The following FSIP1 variants were observed in gnomAD, a reference collection of about 807,000 sequenced individuals.
FSIP1 encodes fibrous sheath-interacting protein 1.
Under a neutral mutation model 60.9 loss-of-function variants are expected in FSIP1, and 65 were observed. The ratio of observed to expected loss-of-function variants is 1.07; its 90% confidence interval spans 0.87 to 1.31. FSIP1 has a LOEUF of 1.31. Among genes scored for constraint, FSIP1 ranks in the 40% most tolerant of loss-of-function variants. The pLI is 0.00. For synonymous variants in FSIP1, 209 were observed against 221.2 expected, an observed-to-expected ratio of 0.94 and a Z score of 0.49; for missense variants, 675 against 665.5, an observed-to-expected ratio of 1.01 and a Z score of -0.16.
At chr15:39,685,874 T>A (rs1482504153) in intron 10 of FSIP1, among the ~76,000 whole-genome samples, 2 of 152,172 alleles carry the variant, frequency 1.3e-5, no homozygotes, top group Non-Finnish European at 2.9e-5. Context: ...CTCCAGACAT[T>A]CTGCATGCTC....
At chr15:39,659,791 CAT>C (rs1337764951) in intron 10 of FSIP1, among the ~76,000 whole-genome samples, 1 of 151,988 alleles carries the variant, frequency 6.6e-6, no homozygotes, top group Non-Finnish European at 1.5e-5. Flanking sequence ...ATCACTATAA[CAT>C]GTTCATTCTG....
In FSIP1 at chr15:39,706,874, C is replaced by T. The variant is rs563384195; in HGVS notation, c.1188+6570G>A. ...TGTCTTCTGCAACAGGCTCTTTTTC[C>T]TTAATACTCTATCACAGACATCTTT... is the stretch of plus-strand genomic sequence containing the variant. On this transcript the variant is annotated intron_variant, in intron 10 of 11. Coordinates refer to ENST00000350221, the MANE Select transcript of FSIP1 (RefSeq NM_152597.5). Among the ~76,000 whole-genome samples the T allele has an allele frequency of 5.9e-5, 9 of 152,214 alleles. No individual in the cohort carries two copies. In the East Asian group the frequency reaches 1.7e-3, roughly 29 times the overall value.
intron 8 of FSIP1, among the ~76,000 whole-genome samples, chr15:39,731,036 G>T (rs11854306): frequency 6.6e-6 from 1 of 151,938 alleles, no homozygotes; most frequent in Non-Finnish European, 1.5e-5. Flanking sequence ...AACCCAGAAC[G>T]GTGACTGATA....
intron 10 of FSIP1, among the ~76,000 whole-genome samples, chr15:39,668,436 A>G (rs1324307538): frequency 6.6e-6 from 1 of 152,216 alleles, no homozygotes; most frequent in Non-Finnish European, 1.5e-5. Context: ...CAAAGGAAAA[A>G]TACTAGGGAG....
intron 10 of FSIP1, among the ~76,000 whole-genome samples, chr15:39,625,253 G>A (rs1891592488): frequency 6.6e-6 from 1 of 152,176 alleles, no homozygotes. Context: ...AAGGATCCAA[G>A]CTTTCTGTTT....
At chr15:39,614,644 CAA>C (rs35512322) in intron 11 of FSIP1, among the ~76,000 whole-genome samples, 38,724 of 95,714 alleles carry the variant, frequency 0.4, 4,987 homozygotes, top group African/African-American at 0.44. Flanking sequence ...GACTCCATCT[CAA>C]AAAAAAAAAA....
chr15:39,741,365 G>C (rs1201323270), intron 6 of FSIP1, among the ~76,000 whole-genome samples: 1 of 152,176 alleles, frequency 6.6e-6, no homozygotes, highest in Non-Finnish European at 1.5e-5. Context: ...AAACCTTGCT[G>C]GGTTGGACAA....
At chr15:39,672,230 T>C (rs1460827468) in intron 10 of FSIP1, among the ~76,000 whole-genome samples, 1 of 152,218 alleles carries the variant, frequency 6.6e-6, no homozygotes, top group East Asian at 1.9e-4. Flanking sequence ...CTTTAGGGAA[T>C]TCGGTGAGAA....
chr15:39,746,665 A>T (rs1266615549), intron 5 of FSIP1, among the ~76,000 whole-genome samples: 1 of 152,248 alleles, frequency 6.6e-6, no homozygotes, highest in East Asian at 1.9e-4. Flanking sequence ...ATGGGACAGC[A>T]GACATTTTGA....
intron 2 of FSIP1, among the ~76,000 whole-genome samples, chr15:39,772,705 C>T (rs886163787): frequency 6.6e-6 from 1 of 152,056 alleles, no homozygotes; most frequent in Non-Finnish European, 1.5e-5. Flanking sequence ...ATTCTTCTGC[C>T]TCAGCCTCCC....
intron 10 of FSIP1, among the ~76,000 whole-genome samples, chr15:39,664,076 G>GA: frequency 6.6e-6 from 1 of 151,694 alleles, no homozygotes; most frequent in South Asian, 2.1e-4. Flanking sequence ...GTGGGTGGGG[G>GA]AAGGGTCTTC....
rs1441513756 is a variant in FSIP1, at chr15:39,600,660, A to G, written c.*220T>C. ...TGTAAGATTAGCAATAAATTTATAA[A>G]CAATGGTCCCAGAAATTTTAATGAG... is the stretch of plus-strand genomic sequence containing the variant. On this transcript the variant is annotated 3_prime_UTR_variant, in exon 12 of 12. Transcript: ENST00000350221. The G allele has an allele frequency of 2.1e-6, 1 of 484,856 alleles. No homozygotes were observed. The highest frequency in any genetic ancestry group is 3.6e-6 in the Non-Finnish European group (1 of 275,550). 30.0% of individuals were successfully genotyped at this position (484,856 alleles called of 1,614,324 possible).
intron 10 of FSIP1, among the ~76,000 whole-genome samples, chr15:39,640,555 A>G (rs2140418361): frequency 6.6e-6 from 1 of 152,280 alleles, no homozygotes; most frequent in East Asian, 1.9e-4. Flanking sequence ...AGCGGAAAGA[A>G]AACTTCTTTT....
At chr15:39,645,726 C>G (rs1379737833) in intron 10 of FSIP1, among the ~76,000 whole-genome samples, 1 of 152,124 alleles carries the variant, frequency 6.6e-6, no homozygotes, top group African/African-American at 2.4e-5. Context: ...CTCGGGCACC[C>G]CAGGAAGGTT....
At position 39,711,253 on chromosome 15, in the gene FSIP1, T is replaced by C. The variant is rs568304670; in HGVS notation, c.1188+2191A>G. Among the ~76,000 whole-genome samples, 19 of 152,278 alleles carry C rather than the reference T, an allele frequency of 1.2e-4. No individual in the cohort carries two copies. The South Asian group carries it at 3.3e-3, about 27-fold the overall frequency. On this transcript the variant is annotated intron_variant, in intron 10 of 11. Coordinates refer to ENST00000350221, the MANE Select transcript of FSIP1 (RefSeq NM_152597.5). ...TGGTGCCTAGTAAGGGCCCATTTCCTTCTTGATAGGGATGACTTCTCACTA... is the reference window on the plus strand; with the variant it reads ...TGGTGCCTAGTAAGGGCCCATTTCCCTCTTGATAGGGATGACTTCTCACTA...
chr15:39,634,122 C>T (rs1194993144), intron 10 of FSIP1, among the ~76,000 whole-genome samples: 2 of 152,158 alleles, frequency 1.3e-5, no homozygotes, highest in African/African-American at 2.4e-5. Flanking sequence ...TCAAGGTCAT[C>T]GCTTTGGCAA....
In FSIP1 at chr15:39,618,213, C is replaced by G; in HGVS notation, c.1221G>C (p.Gln407His). The G allele has an allele frequency of 6.2e-7, 1 of 1,611,072 alleles. No individual in the cohort carries two copies. Among genetic ancestry groups the G allele is most frequent in the Non-Finnish European group, 8.5e-7 (1 of 1,177,522 alleles). ...LESTSCLSEE[Q>H]LKCLLDECIL... ...TGCATTCATCCAGAAGACACTTTAA[C>G]TGTTCTTCAGAGAGACATGATGTGG... The change falls in exon 11 of 12, where the codon CAG becomes CAC. Residue 407 changes from glutamine to histidine, a missense_variant. Coordinates refer to ENST00000350221, the MANE Select transcript of FSIP1 (RefSeq NM_152597.5).
chr15:39,599,048 C>T (rs1446635225), downstream of FSIP1: 2 of 152,244 alleles, frequency 1.3e-5, no homozygotes, highest in Admixed American at 1.3e-4. Flanking sequence ...GCCTCAGCCT[C>T]CCAAGTAGCT....
intron 11 of FSIP1, among the ~76,000 whole-genome samples, chr15:39,615,489 C>A (rs535074940): frequency 3.7e-4 from 56 of 150,780 alleles, no homozygotes; most frequent in African/African-American, 1.4e-3. Context: ...ATAAAAATGG[C>A]CAACAGGTTC....
Sources: gnomAD v4.1 joint callset for allele counts (sites outside exome capture counted in the v4.1 genomes callset) on GRCh38, gnomAD v4.1.1 for gene constraint, MANE v1.5 for transcripts, NCBI Gene and HGNC (gene_info 2026-07-23, HGNC 2026-07-21) for gene names.